The following PRPSAP2 variants were observed in gnomAD, a reference collection of about 807,000 sequenced individuals.
PRPSAP2 encodes the protein phosphoribosyl pyrophosphate synthase-associated protein 2.
PRPSAP2 carries 24 observed loss-of-function variants against 40.6 expected under a neutral mutation model. That is an observed-to-expected ratio of 0.59 (90% CI 0.43 to 0.83). The LOEUF (loss-of-function observed/expected upper bound fraction) is 0.83. Among genes scored for constraint, PRPSAP2 ranks in the 40% least tolerant of loss-of-function variants. PRPSAP2 has a pLI of 0.00. For missense variants in PRPSAP2, 292 were observed against 465.6 expected, an observed-to-expected ratio of 0.63 and a Z score of 3.43; for synonymous variants, 149 against 164.7, an observed-to-expected ratio of 0.90 and a Z score of 0.73.
At chr17:18,893,602 A>AAT (rs1555554481) in intron 8 of PRPSAP2, among the ~76,000 whole-genome samples, 1 of 151,434 alleles carries the variant, frequency 6.6e-6, no homozygotes, top group African/African-American at 2.4e-5. Context: ...GAAAAAAAAA[A>AAT]ACATTAACTG....
chr17:18,904,930 A>C (rs2040486928), intron 8 of PRPSAP2: 2 of 152,312 alleles, frequency 1.3e-5, no homozygotes, highest in South Asian at 4.1e-4. Context: ...TGATTTTGGA[A>C]TTAGATGGGA....
At chr17:18,925,681 G>C (rs1205866974) in intron 10 of PRPSAP2, among the ~76,000 whole-genome samples, 1 of 152,146 alleles carries the variant, frequency 6.6e-6, no homozygotes. Context: ...GGGTCTGAAG[G>C]TATGCACATT....
intron 8 of PRPSAP2, among the ~76,000 whole-genome samples, chr17:18,890,973 T>C (rs2039510783): frequency 6.6e-6 from 1 of 152,172 alleles, no homozygotes; most frequent in Non-Finnish European, 1.5e-5. Flanking sequence ...TAAAATTATA[T>C]GTCGGTTGAG....
At chr17:18,917,720 C>T (rs1028767389) in intron 9 of PRPSAP2, among the ~76,000 whole-genome samples, 3 of 149,538 alleles carry the variant, frequency 2.0e-5, no homozygotes, top group Non-Finnish European at 3.0e-5. Context: ...TACAGGCGCC[C>T]GGCCAAGATG....
At chr17:18,889,231 T>G (rs573697798) in intron 7 of PRPSAP2, among the ~76,000 whole-genome samples, 1 of 152,338 alleles carries the variant, frequency 6.6e-6, no homozygotes, top group Admixed American at 6.5e-5. Context: ...TAGTTATTAT[T>G]TAGTGCTTGT....
At chr17:18,876,296 A>T (rs1401076864) in intron 5 of PRPSAP2, among the ~76,000 whole-genome samples, 1 of 152,240 alleles carries the variant, frequency 6.6e-6, no homozygotes, top group Non-Finnish European at 1.5e-5. Flanking sequence ...GACTGTCCTT[A>T]TCTGAGTTCA....
Position 18,923,957 on chromosome 17 carries a change from T to C in PRPSAP2, c.777T>C (p.Asp259=). 6.2e-7 allele frequency: 1 copy of C among 1,613,858 alleles called. No homozygotes were observed. Residue 259 remains aspartate, a synonymous_variant, in exon 10 of 12, where the codon GAT becomes GAC. Coordinates refer to ENST00000268835, the MANE Select transcript of PRPSAP2 (RefSeq NM_002767.4). ...KEKPPITVVG[D]VGGRIAIIVD... ...AGCCCCCAATCACGGTTGTGGGTGATGTTGGAGGAAGGATTGCCATCATCG... is the reference window on the plus strand; with the variant it reads ...AGCCCCCAATCACGGTTGTGGGTGACGTTGGAGGAAGGATTGCCATCATCG...
intron 9 of PRPSAP2, among the ~76,000 whole-genome samples, chr17:18,916,201 G>T (rs1228494039): frequency 6.6e-6 from 1 of 152,016 alleles, no homozygotes; most frequent in East Asian, 1.9e-4. Flanking sequence ...TTTACGGTCT[G>T]TACATAGCAA....
At chr17:18,869,346 T>C (rs749888392) in intron 4 of PRPSAP2, among the ~76,000 whole-genome samples, 7 of 150,934 alleles carry the variant, frequency 4.6e-5, no homozygotes, top group African/African-American at 1.7e-4. Context: ...CTTTTCTTTT[T>C]TTTTTTTTTG....
chr17:18,909,203 T>C (rs1477339469), intron 8 of PRPSAP2, among the ~76,000 whole-genome samples: 1 of 151,202 alleles, frequency 6.6e-6, no homozygotes, highest in Non-Finnish European at 1.5e-5. Context: ...CTCATGGGAC[T>C]GTAATATGGT....
chr17:18,903,222 G>GTTCAAGAACAGCCTGGGCAACATGTTGA (rs2040388180), intron 8 of PRPSAP2, among the ~76,000 whole-genome samples: 16 of 151,890 alleles, frequency 1.1e-4, no homozygotes, highest in African/African-American at 3.6e-4. Flanking sequence ...GAGGTCAGGA[G>GTTCAAGAACAGCCTGGGCAACATGTTGA]AATTGCTTGA....
At chr17:18,866,432 C>T (rs537378561) in intron 3 of PRPSAP2, among the ~76,000 whole-genome samples, 7 of 152,112 alleles carry the variant, frequency 4.6e-5, no homozygotes, top group South Asian at 4.1e-4. Context: ...GGCGTGGTGG[C>T]GGGCACCTGT....
chr17:18,928,922 G>GC lies in PRPSAP2; in HGVS notation c.922dup (p.Arg308ProfsTer4). 2 of 1,613,972 alleles carry GC rather than the reference G, an allele frequency of 1.2e-6. No homozygotes were observed. The highest frequency in any genetic ancestry group is 2.2e-5 in the East Asian group (1 of 44,874). On this transcript the variant is annotated frameshift_variant, in exon 11 of 12. Coordinates refer to ENST00000268835, the MANE Select transcript of PRPSAP2 (RefSeq NM_002767.4). LOFTEE classifies it high-confidence loss of function. ...AACTCATGGCTTGTTGTCTTCTGACGCCCCCCGGCGGATTGAAGAGTCTGC... is the reference window on the plus strand; with the variant it reads ...AACTCATGGCTTGTTGTCTTCTGACGCCCCCCCGGCGGATTGAAGAGTCTGC...
chr17:18,930,251 T>C (rs968922882), intron 11 of PRPSAP2, among the ~76,000 whole-genome samples: 4 of 152,142 alleles, frequency 2.6e-5, no homozygotes, highest in Admixed American at 2.6e-4. Flanking sequence ...CGGGCGCCTG[T>C]CGTCCCAGCT....
chr17:18,925,799 G>C (rs1479854484), intron 10 of PRPSAP2, among the ~76,000 whole-genome samples: 1 of 152,100 alleles, frequency 6.6e-6, no homozygotes, highest in Non-Finnish European at 1.5e-5. Flanking sequence ...AATTTTGTAC[G>C]CACCCTTTTC....
chr17:18,885,403 CAAAAAA>C lies in PRPSAP2; in HGVS notation c.528+2741_528+2746del, dbSNP rs775079199. Among the ~76,000 whole-genome samples the C allele has an allele frequency of 8.2e-4, 9 of 10,994 alleles. 1 individual carries two copies. Among genetic ancestry groups the C allele is most frequent in the Middle Eastern group, 0.062 (1 of 16 alleles). The allele number at this position is 10,994 out of a possible 152,430, so 7.2% of individuals were successfully genotyped here. On this transcript the variant is annotated intron_variant, in intron 7 of 11. Coordinates refer to ENST00000268835, the MANE Select transcript of PRPSAP2 (RefSeq NM_002767.4). ...GGCGACAGAGTGAGATTCCTTCTCA[CAAAAAA>C]AAAAAAAAAAAAAAAAAAAATTAAT... is the stretch of plus-strand genomic sequence containing the variant.
intron 1 of PRPSAP2, among the ~76,000 whole-genome samples, chr17:18,861,891 G>A (rs1412840912): frequency 6.6e-6 from 1 of 151,924 alleles, no homozygotes; most frequent in East Asian, 1.9e-4. Context: ...TCTTTTGTTT[G>A]TTTGTTTGTT....
At chr17:18,879,067 G>A (rs762617697) in intron 6 of PRPSAP2, among the ~76,000 whole-genome samples, 2 of 150,902 alleles carry the variant, frequency 1.3e-5, no homozygotes, top group Non-Finnish European at 3.0e-5. Context: ...ATGGGGTTTT[G>A]CCATGTTGGC....
chr17:18,917,572 ATTATTATTATTATTTTTTTTT>A (rs1820520735), intron 9 of PRPSAP2: 2 of 29,362 alleles, frequency 6.8e-5, no homozygotes, highest in African/African-American at 2.7e-4. Flanking sequence ...TATTATTATT[ATTATTATTATTATTTTTTTTT>A]TTTTTTTTTT....
Sources: gnomAD v4.1 joint callset for allele counts (sites outside exome capture counted in the v4.1 genomes callset) on GRCh38, gnomAD v4.1.1 for gene constraint, MANE v1.5 for transcripts, NCBI Gene and HGNC (gene_info 2026-07-23, HGNC 2026-07-21) for gene names.